The following POMT1 variants were observed in gnomAD, a reference collection of about 807,000 sequenced individuals.
The protein encoded by POMT1 is protein O-mannosyl-transferase 1.
In POMT1, 85 loss-of-function variants were observed where a neutral mutation model predicts 101.6. The ratio of observed to expected loss-of-function variants is 0.84; its 90% CI spans 0.70 to 1.00. POMT1 has a LOEUF of 1.00. POMT1 is among the 50% of genes least tolerant of loss of function. The pLI is 0.00. For synonymous variants in POMT1, 371 were observed against 383.0 expected (o/e 0.97, Z 0.37); for missense variants, 857 against 930.4 (o/e 0.92, Z 1.03).
chr9:131,516,131 C>G (rs1319800183), intron 13 of POMT1, among the ~76,000 whole-genome samples: 1 of 107,126 alleles, frequency 9.3e-6, no homozygotes, highest in Non-Finnish European at 2.0e-5. Context: ...CTTCCTCACA[C>G]GGAACACTTC....
At position 131,521,366 on chromosome 9, in the gene POMT1, A is replaced by C; in HGVS notation, c.1719A>C (p.Gly573=). The C allele has an allele frequency of 6.2e-7, 1 of 1,614,166 alleles. No individual in the cohort carries two copies. Among genetic ancestry groups the C allele is most frequent in the Non-Finnish European group, 8.5e-7 (1 of 1,180,020 alleles). The stretch of plus-strand genomic sequence containing the variant: ...CTTAGGCTCAGATCCACCTACTTGG[A>C]AACATAGTGATCTGGGTTTCGGGCA... ...PRTSAQIHLL[G]NIVIWVSGSL... Residue 573 remains glycine, a synonymous_variant, in exon 18 of 20, where the codon GGA becomes GGC. Transcript: ENST00000402686.
chr9:131,519,438 G>A lies in POMT1; in HGVS notation c.1536G>A (p.Val512=), dbSNP rs1949458706. 6.4e-7 allele frequency: 1 copy of A among 1,551,776 alleles called. No individual in the cohort carries two copies. The highest frequency in any genetic ancestry group is 8.7e-7 in the Non-Finnish European group (1 of 1,147,166). ...RERELHSPAQ[V]DVSRNLSFMA... ...GGGAGCTGCACTCACCTGCGCAGGT[G>A]GACGTCAGCAGGAACCTCAGCTTCA... The change falls in exon 16 of 20, where the codon GTG becomes GTA. Residue 512 remains valine (V), a synonymous_variant. Coordinates refer to ENST00000402686, the MANE Select transcript of POMT1 (RefSeq NM_001077365.2). This position sits in a 1 kb window ranked among gnomAD's most constrained non-coding sequence, Gnocchi z 4.3.
chr9:131,522,956 C>A lies in POMT1; in HGVS notation c.2028C>A (p.Phe676Leu). 6.3e-7 allele frequency: 1 copy of A among 1,597,756 alleles called. No homozygotes were observed. ...LCRSQLQRSI[F>L]SALVVAWYSS... ...GGTCCCAGCTCCAGAGGAGCATCTT[C>A]AGCGCCCTGGTGGTGGCCTGGTACT... Residue 676 changes from phenylalanine (F) to leucine (L), a missense_variant, in exon 20 of 20, where the codon TTC becomes TTA. By Grantham distance (22) the Phe-to-Leu change is conservative. Transcript: ENST00000402686. The surrounding 1 kb of genome is among the most constrained non-coding windows in gnomAD (Gnocchi z 5.5).
At chr9:131,508,495 C>T (rs1946358917) in intron 5 of POMT1, among the ~76,000 whole-genome samples, 2 of 152,194 alleles carry the variant, frequency 1.3e-5, no homozygotes, top group African/African-American at 4.8e-5. Context: ...TGTACCACTG[C>T]ACTCCAGCCT....
chr9:131,518,706 C>T, intron 14 of POMT1, 131 bp from the exon 15 acceptor site: 1 of 1,502,438 alleles, frequency 6.7e-7, no homozygotes, highest in Non-Finnish European at 9.2e-7. Context: ...AGGATGGAAT[C>T]CCAATGTGAA....
chr9:131,509,646 AC>A (rs1946652219), intron 6 of POMT1, 96 bp from the exon 7 acceptor site: 22 of 1,610,328 alleles, frequency 1.4e-5, no homozygotes, highest in Non-Finnish European at 1.9e-5. Context: ...TGGCCAGCCG[AC>A]CCAGAAAGAT....
At position 131,522,499 on chromosome 9, in the gene POMT1, G is replaced by A. The variant is rs574833057; in HGVS notation, c.2003+275G>A. ...GAGATGTGGGTGGCCTGGAGGATTC[G>A]GGAGCAGGGAGCAAGGCCCAGGAGC... On this transcript the variant is annotated intron_variant, in intron 19 of 19. Coordinates refer to ENST00000402686, the MANE Select transcript of POMT1 (RefSeq NM_001077365.2). The surrounding 1 kb of genome is among the most constrained non-coding windows in gnomAD (Gnocchi z 5.5). The A allele has an allele frequency of 1.0e-4, 63 of 609,862 alleles. No individual in the cohort carries two copies. Among genetic ancestry groups the A allele is most frequent in the Admixed American group, 1.5e-4 (5 of 32,540 alleles). 37.8% of individuals were successfully genotyped at this position (609,862 alleles called of 1,614,324 possible). A position where few individuals can be genotyped will look rare whatever the true frequency, so the allele number is the denominator to read the frequency against.
Position 131,510,009 on chromosome 9 carries a change from G to A in POMT1, c.699+13G>A. On this transcript the variant is annotated intron_variant, in intron 8 of 19. Transcript: ENST00000402686. ...GACTTTGTCCAATGTAGGTGCTGAT[G>A]TCCAGTGCTGCATGAGGCCGGCCTG... The A allele has an allele frequency of 6.2e-7, 1 of 1,614,222 alleles. No homozygotes were observed. Among genetic ancestry groups the A allele is most frequent in the Non-Finnish European group, 8.5e-7 (1 of 1,180,036 alleles).
At chr9:131,511,272 G>C in intron 9 of POMT1, 65 bp from the exon 10 acceptor site, 1 of 1,524,570 alleles carries the variant, frequency 6.6e-7, no homozygotes, top group Non-Finnish European at 9.0e-7. Context: ...TGGCCATCGG[G>C]AAGGCTGGCT....
chr9:131,510,117 C>T, intron 8 of POMT1, 121 bp downstream of exon 8: 2 of 1,612,650 alleles, frequency 1.2e-6, no homozygotes, highest in Non-Finnish European at 1.7e-6. Flanking sequence ...CAGGCCTGGG[C>T]AGCCTCGCCT....
At chr9:131,518,805 T>C (rs758113365) in intron 14 of POMT1, 32 bp from the exon 15 acceptor site, 1 of 1,613,890 alleles carries the variant, frequency 6.2e-7, no homozygotes, top group South Asian at 1.1e-5. Flanking sequence ...GGCCTTCCCA[T>C]CACGCCCTTT....
chr9:131,506,331 G>A (rs1032590518), intron 3 of POMT1, 72 bp from the exon 4 acceptor site: 26 of 1,559,950 alleles, frequency 1.7e-5, no homozygotes, highest in Non-Finnish European at 1.9e-5. Flanking sequence ...GATGCATCTT[G>A]TTTATTGCTT....
chr9:131,506,991 C>T (rs906823151), intron 4 of POMT1, among the ~76,000 whole-genome samples: 5 of 151,212 alleles, frequency 3.3e-5, no homozygotes, highest in Admixed American at 2.6e-4. Flanking sequence ...GGCGTGAACC[C>T]GGGAGGCGGA....
Position 131,521,347 on chromosome 9 carries a change from C to G in POMT1, c.1700C>G (p.Ala567Gly). Residue 567 changes from alanine to glycine, a missense_variant and splice_region_variant, in exon 18 of 20, where the codon GCT becomes GGT. By Grantham distance (60) the Ala-to-Gly change is moderately conservative. Transcript: ENST00000402686. Reference sequence around the variant, plus strand: ...ACAGCATCTCCCATGTTCCCTTAGGCTCAGATCCACCTACTTGGAAACATA... The same window carrying G: ...ACAGCATCTCCCATGTTCCCTTAGGGTCAGATCCACCTACTTGGAAACATA... ...IAYWLHPRTS[A>G]QIHLLGNIVI... The G allele has an allele frequency of 1.4e-5, 23 of 1,614,192 alleles. No homozygotes were observed. Among genetic ancestry groups the G allele is most frequent in the Non-Finnish European group, 1.9e-5 (23 of 1,180,028 alleles).
chr9:131,516,965 T>G (rs1208015999), intron 13 of POMT1: 4 of 152,192 alleles, frequency 2.6e-5, no homozygotes, highest in Non-Finnish European at 5.9e-5. Flanking sequence ...CGGAATCGGG[T>G]CTCCTGGGAA....
In POMT1 at chr9:131,519,455, T is replaced by G. The variant is rs1949464838; in HGVS notation, c.1553T>G (p.Leu518Arg). 3.2e-6 allele frequency: 5 copies of G among 1,551,218 alleles called. No individual in the cohort carries two copies. The highest frequency in any genetic ancestry group is 4.4e-6 in the Non-Finnish European group (5 of 1,147,020). ...SPAQVDVSRN[L>R]SFMARFSELQ... ...GCGCAGGTGGACGTCAGCAGGAACC[T>G]CAGCTTCATGGCGAGATTCTCGGAG... Residue 518 changes from leucine (L) to arginine (R), a missense_variant, in exon 16 of 20, where the codon CTC becomes CGC. By Grantham distance (102) the Leu-to-Arg change is moderately radical. Coordinates refer to ENST00000402686, the MANE Select transcript of POMT1 (RefSeq NM_001077365.2). This position sits in a 1 kb window ranked among gnomAD's most constrained non-coding sequence, Gnocchi z 4.3.
In POMT1 at chr9:131,507,364, C is replaced by T; in HGVS notation, c.281-4C>T. ...TCAGCTCTGCAGTGTGGTTGCTTTT[C>T]CAGAATACAGTAGCAACGTGCCTGT... On this transcript the variant is annotated splice_polypyrimidine_tract_variant and splice_region_variant and intron_variant, in intron 4 of 19. Coordinates refer to ENST00000402686, the MANE Select transcript of POMT1 (RefSeq NM_001077365.2). The T allele has an allele frequency of 6.2e-7, 1 of 1,614,096 alleles. No homozygotes were observed. Among genetic ancestry groups the T allele is most frequent in the Non-Finnish European group, 8.5e-7 (1 of 1,180,024 alleles).
Position 131,520,177 on chromosome 9 carries a change from T to C in POMT1, c.1682T>C (p.Leu561Pro). The change falls in exon 17 of 20, where the codon CTG (leucine) becomes CCG (proline). Residue 561 changes from leucine (L) to proline (P), a missense_variant. Leu to Pro is a moderately conservative substitution (Grantham distance 98, BLOSUM62 -3). Coordinates refer to ENST00000402686, the MANE Select transcript of POMT1 (RefSeq NM_001077365.2). The part of the protein sequence containing the change: ...VTLDTNIAYW[L>P]HPRTSAQIHL... ...CTGGACACCAATATTGCCTACTGGC[T>C]GCACCCCAGGACCAGCGTAAGCGAG... The C allele has an allele frequency of 6.2e-7, 1 of 1,613,582 alleles. No individual in the cohort carries two copies. Among genetic ancestry groups the C allele is most frequent in the Non-Finnish European group, 8.5e-7 (1 of 1,179,902 alleles).
rs765099164 is a variant in POMT1 at position 131,508,977 on chromosome 9, T to C, written c.494T>C (p.Leu165Ser). 1 of 1,614,034 alleles carries C rather than the reference T, an allele frequency of 6.2e-7. No homozygotes were observed. The highest frequency in any genetic ancestry group is 8.5e-7 in the Non-Finnish European group (1 of 1,179,868). Reference sequence around the variant, plus strand: ...TCAGTGTTAATATTTTTCAATCTATTGGCCGTGTTGTCCTACCTGAAGTTC... The same window carrying C: ...TCAGTGTTAATATTTTTCAATCTATCGGCCGTGTTGTCCTACCTGAAGTTC... ...LESVLIFFNL[L>S]AVLSYLKFFN... Residue 165 changes from leucine (L) to serine (S), a missense_variant, in exon 6 of 20, where the codon TTG becomes TCG. Transcript: ENST00000402686.
Sources: allele counts gnomAD v4.1 joint callset (sites outside exome capture counted in the v4.1 genomes callset), GRCh38; gene constraint gnomAD v4.1.1; non-coding constraint Gnocchi (gnomAD v3.1); transcripts MANE v1.5; gene names NCBI Gene and HGNC (gene_info 2026-07-23, HGNC 2026-07-21).